Variants in MIPOL1 observed in about 807,000 individuals in gnomAD.
MIPOL1 encodes the protein mirror-image polydactyly gene 1 protein.
A neutral mutation model predicts 60.9 loss-of-function variants in MIPOL1; 57 were observed. The ratio of observed to expected loss-of-function variants is 0.94; its 90% CI spans 0.76 to 1.17. The LOEUF (loss-of-function observed/expected upper bound fraction) is 1.17. Ranked by LOEUF, MIPOL1 falls within the 50% of genes most tolerant of loss-of-function variation. MIPOL1 has a pLI of 0.00. For synonymous variants in MIPOL1, 179 were observed against 168.8 expected (o/e 1.06, Z -0.47); for missense variants, 551 against 511.6 (o/e 1.08, Z -0.74).
intron 9 of MIPOL1, among the ~76,000 whole-genome samples, chr14:37,313,106 G>A (rs1567417897): frequency 1.3e-5 from 2 of 151,442 alleles, no homozygotes; most frequent in Admixed American, 1.3e-4. Context: ...TCTAGCCATT[G>A]GTGTTAGAAT....
chr14:37,270,635 G>A, intron 6 of MIPOL1, 110 bp downstream of exon 6: 2 of 351,080 alleles, frequency 5.7e-6, no homozygotes, highest in Non-Finnish European at 9.5e-6. Flanking sequence ...AGGAGGGGAA[G>A]CTCTCCTTTT....
chr14:37,372,037 C>T (rs1449686815), intron 10 of MIPOL1, among the ~76,000 whole-genome samples: 1 of 152,000 alleles, frequency 6.6e-6, no homozygotes, highest in African/African-American at 2.4e-5. Flanking sequence ...AAAAACGATT[C>T]ACTGTCTCTA....
In MIPOL1 at chr14:37,350,868, T is replaced by C. The variant is rs575548381; in HGVS notation, c.829-18649T>C. On this transcript the variant is annotated intron_variant, in intron 9 of 12. Transcript: ENST00000684589. ...GCTTGGATTGTTTCAGTTAACATAA[T>C]GATCTCCAGTTCCATCCATGTTATT... Among the ~76,000 whole-genome samples, 17 of 152,342 alleles carry C rather than the reference T, an allele frequency of 1.1e-4. No homozygotes were observed. In the South Asian group the frequency reaches 2.7e-3, roughly 24 times the overall value.
chr14:37,462,876 GAAGTTCCA>G (rs2094555749), intron 11 of MIPOL1, among the ~76,000 whole-genome samples: 3 of 152,082 alleles, frequency 2.0e-5, no homozygotes, highest in Non-Finnish European at 2.9e-5. Flanking sequence ...AAGTCTCTAG[GAAGTTCCA>G]AACTTTCCCA....
chr14:37,513,563 T>C (rs965748131), intron 12 of MIPOL1, among the ~76,000 whole-genome samples: 11 of 152,096 alleles, frequency 7.2e-5, no homozygotes, highest in African/African-American at 2.4e-4. Flanking sequence ...GATTGGCGCC[T>C]AACCCAGAAT....
intron 11 of MIPOL1, among the ~76,000 whole-genome samples, chr14:37,478,961 A>T (rs2094819858): frequency 6.6e-6 from 1 of 152,156 alleles, no homozygotes; most frequent in South Asian, 2.1e-4. Flanking sequence ...AGGTTATAAC[A>T]ATTACAAATA....
intron 6 of MIPOL1, among the ~76,000 whole-genome samples, chr14:37,283,577 C>G (rs1278992282): frequency 6.6e-6 from 1 of 152,096 alleles, no homozygotes; most frequent in African/African-American, 2.4e-5. Context: ...ACAAATTAAT[C>G]AAAACCACAT....
intron 10 of MIPOL1, among the ~76,000 whole-genome samples, chr14:37,386,675 G>A (rs2093077311): frequency 6.6e-6 from 1 of 151,918 alleles, no homozygotes; most frequent in Non-Finnish European, 1.5e-5. Context: ...TTGGATAATT[G>A]TTAATTGTTT....
At chr14:37,452,954 T>A (rs1295399834) in intron 11 of MIPOL1, among the ~76,000 whole-genome samples, 4 of 152,180 alleles carry the variant, frequency 2.6e-5, no homozygotes, top group African/African-American at 9.6e-5. Context: ...TTTAGATAAA[T>A]GTCCTTCTAA....
chr14:37,312,541 T>C (rs1395513565), intron 9 of MIPOL1, among the ~76,000 whole-genome samples: 2 of 152,206 alleles, frequency 1.3e-5, no homozygotes, highest in African/African-American at 4.8e-5. Context: ...TTGACTTTGA[T>C]ACACTTGATA....
At position 37,547,193 on chromosome 14, in the gene MIPOL1, A is replaced by G. The variant is rs1226884766; in HGVS notation, c.*222A>G. 7 of 493,360 alleles carry G rather than the reference A, an allele frequency of 1.4e-5. No homozygotes were observed. The highest frequency in any genetic ancestry group is 4.0e-5 in the African/African-American group (2 of 50,604). The allele number at this position is 493,360 out of a possible 1,614,324, so 30.6% of individuals were successfully genotyped here. ...ATATATTAACTATAGACTTTTACCA[A>G]TGGGTAGCTATAAGGTTACAGCTTA... On this transcript the variant is annotated 3_prime_UTR_variant, in exon 13 of 13. Transcript: ENST00000684589.
chr14:37,446,254 G>T (rs1363014433), intron 11 of MIPOL1, among the ~76,000 whole-genome samples: 1 of 152,176 alleles, frequency 6.6e-6, no homozygotes, highest in Non-Finnish European at 1.5e-5. Flanking sequence ...CCATCAACAA[G>T]TGGGCGAAGG....
At chr14:37,472,127 C>T (rs2153590401) in intron 11 of MIPOL1, among the ~76,000 whole-genome samples, 1 of 152,270 alleles carries the variant, frequency 6.6e-6, no homozygotes, top group South Asian at 2.1e-4. Context: ...TTGTAGTAGT[C>T]TCATAAAATG....
intron 11 of MIPOL1, among the ~76,000 whole-genome samples, chr14:37,459,466 G>A (rs1010446900): frequency 1.3e-5 from 2 of 152,062 alleles, no homozygotes; most frequent in Admixed American, 6.6e-5. Context: ...ATTGAACCAC[G>A]AAGAAATAGA....
chr14:37,510,263 A>G (rs2095317279), intron 12 of MIPOL1, among the ~76,000 whole-genome samples: 1 of 151,830 alleles, frequency 6.6e-6, no homozygotes, highest in Non-Finnish European at 1.5e-5. Flanking sequence ...GGGGGTTTTT[A>G]TGAGACAGGG....
chr14:37,384,976 G>T (rs879536191), intron 10 of MIPOL1, among the ~76,000 whole-genome samples: 1 of 151,788 alleles, frequency 6.6e-6, no homozygotes, highest in Non-Finnish European at 1.5e-5. Flanking sequence ...CTCCTACTTA[G>T]GTACCTATTA....
intron 1 of MIPOL1, among the ~76,000 whole-genome samples, chr14:37,220,359 G>A (rs529967920): frequency 1.3e-5 from 2 of 152,138 alleles, no homozygotes; most frequent in Admixed American, 1.3e-4. Context: ...ATTTTTTGAA[G>A]TATGACAAAC....
intron 1 of MIPOL1, among the ~76,000 whole-genome samples, chr14:37,215,402 C>T (rs1052865851): frequency 6.6e-5 from 10 of 151,798 alleles, no homozygotes; most frequent in South Asian, 2.1e-4. Flanking sequence ...CTTTTGTCTC[C>T]GCACACGGGG....
chr14:37,237,262 A>G (rs1971629408), intron 1 of MIPOL1, among the ~76,000 whole-genome samples: 1 of 152,012 alleles, frequency 6.6e-6, no homozygotes, highest in Non-Finnish European at 1.5e-5. Flanking sequence ...AGGTCAGCAC[A>G]GACATGCACA....
Sources: allele counts gnomAD v4.1 joint callset (sites outside exome capture counted in the v4.1 genomes callset), GRCh38; gene constraint gnomAD v4.1.1; transcripts MANE v1.5; gene names NCBI Gene and HGNC (gene_info 2026-07-23, HGNC 2026-07-21).